Variants in RAD54L2 observed in about 807,000 individuals in gnomAD.
The protein encoded by RAD54L2 is RAD54 like 2.
A neutral mutation model predicts 138.4 loss-of-function variants in RAD54L2; 27 were observed. That is an observed-to-expected ratio of 0.20 (90% CI 0.14 to 0.27). The LOEUF is 0.27. Ranked by LOEUF, RAD54L2 falls within the 10% of genes least tolerant of loss-of-function variation. The pLI is 1.00. For synonymous variants in RAD54L2, 644 were observed against 723.2 expected (o/e 0.89, Z 1.76); for missense variants, 1,396 against 1,890.2 (o/e 0.74, Z 4.85).
At chr3:51,585,466 T>C (rs1699689830) in intron 2 of RAD54L2, among the ~76,000 whole-genome samples, 1 of 152,204 alleles carries the variant, frequency 6.6e-6, no homozygotes, top group Admixed American at 6.5e-5. Context: ...ACAAAGGCTT[T>C]GTTTGTGTGT....
chr3:51,643,738 T>A, intron 15 of RAD54L2, 137 bp from the exon 16 acceptor site: 1 of 707,110 alleles, frequency 1.4e-6, no homozygotes, highest in Non-Finnish European at 2.5e-6. Flanking sequence ...TGTAGACCCA[T>A]GATACGTCCA....
chr3:51,544,087 A>G (rs1475872065), intron 2 of RAD54L2, among the ~76,000 whole-genome samples: 3 of 152,064 alleles, frequency 2.0e-5, no homozygotes, highest in South Asian at 2.1e-4. Flanking sequence ...TGTGTTTCCC[A>G]TACCTAGTTT....
chr3:51,544,185 G>A (rs1559610866), intron 2 of RAD54L2, among the ~76,000 whole-genome samples: 1 of 152,150 alleles, frequency 6.6e-6, no homozygotes, highest in Non-Finnish European at 1.5e-5. Flanking sequence ...GCAAATGTTT[G>A]TTGAGTGAAC....
chr3:51,560,177 A>AT (rs1334868758), intron 2 of RAD54L2, among the ~76,000 whole-genome samples: 1 of 152,062 alleles, frequency 6.6e-6, no homozygotes, highest in Non-Finnish European at 1.5e-5. Context: ...AAGCTGAAAT[A>AT]TGTGTGGCAT....
chr3:51,645,161 G>A lies in RAD54L2; in HGVS notation c.2588G>A (p.Arg863His), dbSNP rs775753620. ...CAGAAAAAGCCCTGTTACATCTATC[G>A]CCTTGTGGCTGATTACACTCTAGAA... ...YGQKKPCYIY[R>H]LVADYTLEKK... is the part of the protein sequence containing the mutation. The change falls in exon 17 of 23, where the codon CGC (arginine) becomes CAC (histidine). Residue 863 changes from arginine (R) to histidine (H), a missense_variant. Physicochemically the swap from Arg to His is conservative, Grantham distance 29. This residue lies in a region of RAD54L2 where 78 missense variants were observed against 171.6 expected (regional missense o/e 0.45). Coordinates refer to ENST00000684192, the MANE Select transcript of RAD54L2 (RefSeq NM_015106.4). This position sits in a 1 kb window ranked among gnomAD's most constrained non-coding sequence, Gnocchi z 6.1. 1 of 1,613,858 alleles carries A rather than the reference G, an allele frequency of 6.2e-7. No individual in the cohort carries two copies. Among genetic ancestry groups the A allele is most frequent in the Admixed American group, 1.7e-5 (1 of 60,010 alleles).
intron 3 of RAD54L2, among the ~76,000 whole-genome samples, chr3:51,598,217 A>G (rs1307814885): frequency 6.7e-6 from 1 of 149,668 alleles, no homozygotes; most frequent in Non-Finnish European, 1.5e-5. Context: ...TAACTCCCAT[A>G]GTCTTTGTTA....
intron 3 of RAD54L2, among the ~76,000 whole-genome samples, chr3:51,597,165 C>CAAAA (rs145812228): frequency 4.1e-5 from 2 of 49,248 alleles, no homozygotes; most frequent in African/African-American, 1.5e-4. Flanking sequence ...GACTTCATTT[C>CAAAA]AAAAAAAAAA....
In RAD54L2 at chr3:51,613,099, C is replaced by T. The variant is rs113268023; in HGVS notation, c.140-14454C>T. ...GGACTACAGGCGCCTGCCACCACAC[C>T]CAGCTAATTTTTTTATATTTTTAGT... is the stretch of plus-strand genomic sequence containing the variant. On this transcript the variant is annotated intron_variant, in intron 3 of 22. Transcript: ENST00000684192. 7.5e-3 allele frequency among the ~76,000 whole-genome samples: 1,134 copies of T among 152,086 alleles called. 10 individuals carry two copies. Among genetic ancestry groups the T allele is most frequent in the South Asian group, 0.015 (72 of 4,808 alleles).
Position 51,663,522 on chromosome 3 carries a change from G to A in RAD54L2, c.*102G>A, listed in dbSNP as rs1273887840. The A allele has an allele frequency of 3.7e-6, 5 of 1,342,520 alleles. No individual in the cohort carries two copies. Among genetic ancestry groups the A allele is most frequent in the South Asian group, 1.5e-5 (1 of 68,638 alleles). 83.2% of individuals were successfully genotyped at this position (1,342,520 alleles called of 1,614,324 possible). The stretch of plus-strand genomic sequence containing the variant: ...TTTGAGAATAGGACACTTGGCAGGA[G>A]GGAAAAGGAAGAGGACAAAGGAGGG... On this transcript the variant is annotated 3_prime_UTR_variant, in exon 23 of 23. Transcript: ENST00000684192.
At chr3:51,605,251 A>ACCTG (rs1700154306) in intron 3 of RAD54L2, among the ~76,000 whole-genome samples, 1 of 151,066 alleles carries the variant, frequency 6.6e-6, no homozygotes, top group African/African-American at 2.4e-5. Flanking sequence ...CACCATGCCC[A>ACCTG]GCTAATTTTG....
intron 7 of RAD54L2, 112 bp from the exon 8 acceptor site, chr3:51,633,465 A>G (rs769362643): frequency 5.4e-5 from 56 of 1,031,308 alleles, no homozygotes; most frequent in South Asian, 9.4e-5. Flanking sequence ...CACACCTGCT[A>G]TCTATTATAA....
chr3:51,655,422 A>AAG (rs569218524), intron 19 of RAD54L2, among the ~76,000 whole-genome samples: 2 of 152,054 alleles, frequency 1.3e-5, no homozygotes, highest in South Asian at 2.1e-4. Flanking sequence ...AGTAATACAG[A>AAG]AGAGAGAGAG....
chr3:51,647,688 C>G (rs1482609215), intron 19 of RAD54L2, among the ~76,000 whole-genome samples: 8 of 151,952 alleles, frequency 5.3e-5, no homozygotes, highest in Non-Finnish European at 7.4e-5. Flanking sequence ...ATTTTTTTTT[C>G]TTTTAGTCGA....
intron 2 of RAD54L2, among the ~76,000 whole-genome samples, chr3:51,567,231 A>G (rs1193270572): frequency 6.6e-6 from 1 of 152,154 alleles, no homozygotes; most frequent in East Asian, 1.9e-4. Flanking sequence ...AACTTTTTAT[A>G]AGCATAGCTG....
In RAD54L2 at chr3:51,666,464, C is replaced by T. The variant is rs1701914922; in HGVS notation, c.*3044C>T. The stretch of plus-strand genomic sequence containing the variant: ...CAGAAAATCAGGCCTAGGCGTTTTC[C>T]CTTACCATTGTCTTCCATGGAATGT... On this transcript the variant is annotated 3_prime_UTR_variant, in exon 23 of 23. Coordinates refer to ENST00000684192, the MANE Select transcript of RAD54L2 (RefSeq NM_015106.4). 6.6e-6 allele frequency: 1 copy of T among 152,004 alleles called. No homozygotes were observed. Among genetic ancestry groups the T allele is most frequent in the Admixed American group, 6.6e-5 (1 of 15,250 alleles). The allele number at this position is 152,004 out of a possible 1,614,324, so 9.4% of individuals were successfully genotyped here.
intron 19 of RAD54L2, among the ~76,000 whole-genome samples, chr3:51,654,055 C>G (rs1329526618): frequency 6.6e-6 from 1 of 151,870 alleles, no homozygotes; most frequent in East Asian, 1.9e-4. Flanking sequence ...GATTTGTTGT[C>G]TTTTTTGGGG....
Position 51,645,307 on chromosome 3 carries a change from C to A in RAD54L2, c.2656+78C>A. 1 of 1,396,914 alleles carries A rather than the reference C, an allele frequency of 7.2e-7. No homozygotes were observed. Among genetic ancestry groups the A allele is most frequent in the Non-Finnish European group, 9.9e-7 (1 of 1,008,018 alleles). 86.5% of individuals were successfully genotyped at this position (1,396,914 alleles called of 1,614,324 possible). A position where few individuals can be genotyped will look rare whatever the true frequency, so the allele number is the denominator to read the frequency against. ...TTTAGTATCAAGGGTGGGAGAGGAG[C>A]AGGATATGGGAACACAGGCAGGCTT... On this transcript the variant is annotated intron_variant, in intron 17 of 22. Transcript: ENST00000684192. This position sits in a 1 kb window ranked among gnomAD's most constrained non-coding sequence, Gnocchi z 6.1.
rs1577452772 is a variant in RAD54L2 at position 51,641,928 on chromosome 3, C to G, written c.2350+61C>G. The G allele has an allele frequency of 2.6e-6, 3 of 1,166,754 alleles. No homozygotes were observed. In the East Asian group the frequency reaches 7.7e-5, roughly 30 times the overall value. The allele number at this position is 1,166,754 out of a possible 1,614,324, so 72.3% of individuals were successfully genotyped here. A position where few individuals can be genotyped will look rare whatever the true frequency, so the allele number is the denominator to read the frequency against. On this transcript the variant is annotated intron_variant, in intron 15 of 22. Coordinates refer to ENST00000684192, the MANE Select transcript of RAD54L2 (RefSeq NM_015106.4). ...CAAGGTCTGCTTAAGGGTTTCCTTT[C>G]CTTCTCTCTCTTTCTCTTTCTCCAC...
At chr3:51,596,015 G>A (rs1699952341) in intron 3 of RAD54L2, among the ~76,000 whole-genome samples, 1 of 147,124 alleles carries the variant, frequency 6.8e-6, no homozygotes, top group Non-Finnish European at 1.5e-5. Flanking sequence ...ACTCACTGCA[G>A]CACCCCAGGG....
Sources: gnomAD v4.1 joint callset for allele counts (sites outside exome capture counted in the v4.1 genomes callset) on GRCh38, gnomAD v4.1.1 for gene constraint, gnomAD v4.1.1 regional missense constraint, Gnocchi (gnomAD v3.1) non-coding constraint, MANE v1.5 for transcripts, NCBI Gene and HGNC (gene_info 2026-07-23, HGNC 2026-07-21) for gene names.